CTNNA2: variants seen among roughly 807,000 people sequenced by gnomAD.
CTNNA2 encodes the protein catenin alpha-2.
A neutral mutation model predicts 101.0 loss-of-function variants in CTNNA2; 42 were observed. The ratio of observed to expected loss-of-function variants is 0.42; its 90% CI spans 0.32 to 0.54. The LOEUF (loss-of-function observed/expected upper bound fraction) is 0.54, where lower values mean the gene tolerates loss of function less well. Among genes scored for constraint, CTNNA2 ranks in the 20% least tolerant of loss-of-function variants. The probability of loss-of-function intolerance (pLI) is 0.14; values close to 1 mark genes in which losing one functional copy is unlikely to be tolerated. For synonymous variants in CTNNA2, 450 were observed against 456.4 expected, an observed-to-expected ratio of 0.99 and a Z score of 0.18; for missense variants, 871 against 1,223.1, an observed-to-expected ratio of 0.71 and a Z score of 4.29.
At chr2:79,929,851 C>G (rs1411238832) in intron 7 of CTNNA2, among the ~76,000 whole-genome samples, 1 of 152,062 alleles carries the variant, frequency 6.6e-6, no homozygotes, top group Non-Finnish European at 1.5e-5. Context: ...TTGCAGTTTA[C>G]CTAGTGTCTG....
At chr2:79,310,198 T>C (rs1056982759) in intron 2 of CTNNA2, among the ~76,000 whole-genome samples, 1 of 152,174 alleles carries the variant, frequency 6.6e-6, no homozygotes, top group African/African-American at 2.4e-5. Context: ...TTGCACTTTG[T>C]TGGGGGTTTC....
At chr2:79,647,246 A>G (rs1680884340) in intron 1 of CTNNA2, among the ~76,000 whole-genome samples, 1 of 152,184 alleles carries the variant, frequency 6.6e-6, no homozygotes, top group African/African-American at 2.4e-5. Context: ...CTGGATCTCT[A>G]TTTTAATGAG....
intron 1 of CTNNA2, among the ~76,000 whole-genome samples, chr2:79,550,279 G>A (rs1674014773): frequency 6.6e-6 from 1 of 152,204 alleles, no homozygotes; most frequent in Non-Finnish European, 1.5e-5. Flanking sequence ...AGGTAAAAGG[G>A]CTAGAACTTC....
intron 2 of CTNNA2, among the ~76,000 whole-genome samples, chr2:79,261,709 T>C (rs1897783): frequency 0.2 from 29,813 of 152,162 alleles, 3,209 homozygotes; most frequent in African/African-American, 0.29. Context: ...ATCCTTATGA[T>C]CTCATTTAAT....
intron 9 of CTNNA2, among the ~76,000 whole-genome samples, chr2:80,527,157 A>C (rs921340538): frequency 6.6e-6 from 1 of 152,264 alleles, no homozygotes; most frequent in East Asian, 1.9e-4. Flanking sequence ...TCTAATTAAA[A>C]GTGTCAGAAA....
At chr2:79,929,634 C>G (rs1263065657) in intron 7 of CTNNA2, among the ~76,000 whole-genome samples, 3 of 152,190 alleles carry the variant, frequency 2.0e-5, no homozygotes. Flanking sequence ...TCATAATTTT[C>G]TAGACATGCA....
At chr2:79,725,428 C>CA (rs1422802758) in intron 2 of CTNNA2, among the ~76,000 whole-genome samples, 2 of 152,166 alleles carry the variant, frequency 1.3e-5, no homozygotes, top group African/African-American at 4.8e-5. Flanking sequence ...AAGTGCCTAT[C>CA]AAAAAATCCA....
chr2:80,351,607 GGC>G (rs1365462607), intron 7 of CTNNA2, among the ~76,000 whole-genome samples: 1 of 152,084 alleles, frequency 6.6e-6, no homozygotes, highest in Non-Finnish European at 1.5e-5. Flanking sequence ...TGGGTGATTT[GGC>G]ATGAAATTTA....
At chr2:80,547,459 C>T (rs1051880871) in intron 11 of CTNNA2, among the ~76,000 whole-genome samples, 52 of 152,122 alleles carry the variant, frequency 3.4e-4, no homozygotes, top group African/African-American at 1.3e-3. Flanking sequence ...CTATAATTCT[C>T]AATATGTCAA....
chr2:79,365,236 C>A (rs902469806), intron 3 of CTNNA2, among the ~76,000 whole-genome samples: 15 of 151,880 alleles, frequency 9.9e-5, no homozygotes, highest in Non-Finnish European at 4.4e-5. Context: ...GAGATCATGT[C>A]ACTGCACTCC....
chr2:80,596,956 A>G (rs1449434703), intron 15 of CTNNA2, among the ~76,000 whole-genome samples: 1 of 152,152 alleles, frequency 6.6e-6, no homozygotes, highest in East Asian at 1.9e-4. Flanking sequence ...TTCTGCTTCT[A>G]TTAAGATAAT....
chr2:79,309,479 A>G (rs1676318468), intron 2 of CTNNA2, among the ~76,000 whole-genome samples: 1 of 152,204 alleles, frequency 6.6e-6, no homozygotes. Flanking sequence ...AAAGGACTGA[A>G]GAATGCAGAA....
At chr2:79,865,387 A>G (rs1260964117) in intron 4 of CTNNA2, among the ~76,000 whole-genome samples, 1 of 152,214 alleles carries the variant, frequency 6.6e-6, no homozygotes, top group Non-Finnish European at 1.5e-5. Flanking sequence ...GTTATTTTTA[A>G]ATTTCACTGT....
chr2:79,889,200 G>A (rs776100330), intron 6 of CTNNA2, among the ~76,000 whole-genome samples: 8 of 151,946 alleles, frequency 5.3e-5, no homozygotes, highest in African/African-American at 1.7e-4. Flanking sequence ...ACACACACAC[G>A]TGCAACAACT....
chr2:79,214,400 A>T (rs1674218214), intron 2 of CTNNA2, among the ~76,000 whole-genome samples: 1 of 152,132 alleles, frequency 6.6e-6, no homozygotes, highest in African/African-American at 2.4e-5. Context: ...AATTTGGTTG[A>T]TAAGGGGCAG....
chr2:79,229,303 C>T (rs1236827674), intron 2 of CTNNA2, among the ~76,000 whole-genome samples: 1 of 152,138 alleles, frequency 6.6e-6, no homozygotes, highest in Non-Finnish European at 1.5e-5. Flanking sequence ...CCAGAATTCC[C>T]ACATGTTGTG....
At chr2:79,835,685 T>G (rs894221744) in intron 3 of CTNNA2, among the ~76,000 whole-genome samples, 31 of 134,408 alleles carry the variant, frequency 2.3e-4, no homozygotes, top group African/African-American at 6.1e-4. Flanking sequence ...TTTTTTTTTT[T>G]TTTTTTTTTT....
At chr2:80,225,306 A>G (rs1418166528) in intron 7 of CTNNA2, among the ~76,000 whole-genome samples, 2 of 152,186 alleles carry the variant, frequency 1.3e-5, no homozygotes, top group African/African-American at 4.8e-5. Flanking sequence ...CTTTTAATCT[A>G]AACTGCAAAC....
At chr2:80,535,167 C>T (rs1690898061) in intron 9 of CTNNA2, among the ~76,000 whole-genome samples, 2 of 152,094 alleles carry the variant, frequency 1.3e-5, no homozygotes, top group Admixed American at 1.3e-4. Flanking sequence ...CCCCTTGTTT[C>T]TTTTGTAAAA....
Sources: gnomAD v4.1 joint callset for allele counts (sites outside exome capture counted in the v4.1 genomes callset) on GRCh38, gnomAD v4.1.1 for gene constraint, MANE v1.5 for transcripts, NCBI Gene and HGNC (gene_info 2026-07-23, HGNC 2026-07-21) for gene names.